The following ZNF622 variants were observed in gnomAD, a reference collection of about 807,000 sequenced individuals.
ZNF622 encodes zinc finger protein 622, also known as cytoplasmic 60S subunit biogenesis factor ZNF622.
Under a neutral mutation model 49.7 loss-of-function variants are expected in ZNF622, and 34 were observed. That is an observed-to-expected ratio of 0.68 (90% CI 0.52 to 0.91). The LOEUF (loss-of-function observed/expected upper bound fraction) is 0.91, where lower values mean the gene tolerates loss of function less well. Ranked by LOEUF, ZNF622 falls within the 40% of genes least tolerant of loss-of-function variation. ZNF622 has a pLI of 0.00. For missense variants in ZNF622, 569 were observed against 616.4 expected, an observed-to-expected ratio of 0.92 and a Z score of 0.81; for synonymous variants, 209 against 228.7, an observed-to-expected ratio of 0.91 and a Z score of 0.78.
chr5:16,465,218 C>A lies in ZNF622; in HGVS notation c.448G>T (p.Ala150Ser). The change falls in exon 1 of 6, where the codon GCG becomes TCG. Residue 150 changes from alanine (A) to serine (S), a missense_variant. Transcript: ENST00000308683. The surrounding 1 kb of genome is among the most constrained non-coding windows in gnomAD (Gnocchi z 6.2). ...PSMSPKKAPP[A>S]PAKEARNVVA... is the part of the protein sequence containing the mutation. ...ACATTCCTGGCCTCCTTTGCAGGCG[C>A]TGGGGGCGCCTTCTTGGGAGACATG... The A allele has an allele frequency of 6.2e-7, 1 of 1,614,152 alleles. No individual in the cohort carries two copies. Among genetic ancestry groups the A allele is most frequent in the Non-Finnish European group, 8.5e-7 (1 of 1,180,032 alleles).
intron 4 of ZNF622, among the ~76,000 whole-genome samples, chr5:16,453,500 T>C (rs987726648): frequency 2.1e-5 from 3 of 146,032 alleles, no homozygotes; most frequent in African/African-American, 7.5e-5. Flanking sequence ...CTAATACAGA[T>C]AATAGGGGCC....
chr5:16,465,598 T>G lies in ZNF622; in HGVS notation c.68A>C (p.Tyr23Ser). 5.6e-6 allele frequency: 9 copies of G among 1,610,142 alleles called. No individual in the cohort carries two copies. Among genetic ancestry groups the G allele is most frequent in the Non-Finnish European group, 7.6e-6 (9 of 1,177,580 alleles). Residue 23 changes from tyrosine to serine, a missense_variant, in exon 1 of 6, where the codon TAT (tyrosine) becomes TCT (serine). Physicochemically the swap from Tyr to Ser is moderately radical, Grantham distance 144 (BLOSUM62 -2). Coordinates refer to ENST00000308683, the MANE Select transcript of ZNF622 (RefSeq NM_033414.3). This position sits in a 1 kb window ranked among gnomAD's most constrained non-coding sequence, Gnocchi z 6.2. ...GTTGTAGCGGTGCCAGTCCGTCTTA[T>G]AGTGGGCCCGCTGCATGTCCGCGTC... ...FRDADMQRAH[Y>S]KTDWHRYNLR...
intron 3 of ZNF622, among the ~76,000 whole-genome samples, chr5:16,459,230 A>G (rs1156765776): frequency 1.3e-5 from 2 of 152,236 alleles, no homozygotes; most frequent in Non-Finnish European, 2.9e-5. Context: ...ATACACATGA[A>G]AAAATAATTG....
At chr5:16,453,559 T>TTATA (rs58965299) in intron 4 of ZNF622, among the ~76,000 whole-genome samples, 11,937 of 62,328 alleles carry the variant, frequency 0.19, 1,447 homozygotes, top group Non-Finnish European at 0.25. Flanking sequence ...TAAATAAAAA[T>TTATA]TATATATATA....
rs753028300 is a variant in ZNF622, at chr5:16,465,265, T to A, written c.401A>T (p.Gln134Leu). 63 of 1,614,128 alleles carry A rather than the reference T, an allele frequency of 3.9e-5. No homozygotes were observed. The highest frequency in any genetic ancestry group is 5.3e-5 in the Non-Finnish European group (62 of 1,180,032). The change falls in exon 1 of 6, where the codon CAG becomes CTG. Residue 134 changes from glutamine (Q) to leucine (L), a missense_variant. Transcript: ENST00000308683. This position sits in a 1 kb window ranked among gnomAD's most constrained non-coding sequence, Gnocchi z 6.2. The part of the protein sequence containing the change: ...DKDAMNAAIQ[Q>L]AIKAQPSMSP... ...CATGGACGGCTGGGCCTTGATGGCC[T>A]GCTGGATGGCCGCGTTCATGGCATC...
At chr5:16,451,810 T>C (rs771602758) in intron 5 of ZNF622, 26 bp from the exon 6 acceptor site, 8 of 1,603,626 alleles carry the variant, frequency 5.0e-6, no homozygotes, top group Admixed American at 1.7e-5. Flanking sequence ...AGTTAAGAAA[T>C]TAGGCAAAGT....
In ZNF622 at chr5:16,451,666, C is replaced by T. The variant is rs1386180187; in HGVS notation, c.1425G>A (p.Val475=). The change falls in exon 6 of 6, where the codon GTG becomes GTA. Residue 475 remains valine, a synonymous_variant. Coordinates refer to ENST00000308683, the MANE Select transcript of ZNF622 (RefSeq NM_033414.3). ...CAATCCCAGCAGACTCTCAGAATCT[C>T]ACTTGGACCCGAAAGTGCATCTGCT... ...ATKQMHFRVQ[V]RF is the part of the protein sequence containing the mutation. 6.2e-7 allele frequency: 1 copy of T among 1,613,548 alleles called. No homozygotes were observed. Among genetic ancestry groups the T allele is most frequent in the African/African-American group, 1.3e-5 (1 of 75,036 alleles).
At chr5:16,453,808 A>G (rs1043774607) in intron 4 of ZNF622, among the ~76,000 whole-genome samples, 1 of 151,956 alleles carries the variant, frequency 6.6e-6, no homozygotes, top group Non-Finnish European at 1.5e-5. Context: ...ACTGGCACCT[A>G]GTGGGTAGAG....
chr5:16,454,637 A>G (rs966290995), intron 4 of ZNF622, among the ~76,000 whole-genome samples: 2 of 152,170 alleles, frequency 1.3e-5, no homozygotes, highest in Non-Finnish European at 2.9e-5. Flanking sequence ...GGCACATCTG[A>G]TATATTAATC....
At position 16,463,018 on chromosome 5, in the gene ZNF622, A is replaced by G; in HGVS notation, c.1049+90T>C. On this transcript the variant is annotated intron_variant, in intron 3 of 5. Transcript: ENST00000308683. The surrounding 1 kb of genome is among the most constrained non-coding windows in gnomAD (Gnocchi z 4.2). The stretch of plus-strand genomic sequence containing the variant: ...AAGTGTTATTAAGGATATGTTGTAC[A>G]GTGCCAAACATATCCAGCACTGGCA... The G allele has an allele frequency of 1.5e-6, 2 of 1,358,776 alleles. No homozygotes were observed. The highest frequency in any genetic ancestry group is 1.5e-5 in the South Asian group (1 of 68,600). 84.2% of individuals were successfully genotyped at this position (1,358,776 alleles called of 1,614,324 possible).
rs753180824 is a variant in ZNF622, at chr5:16,463,579, C to T, written c.789G>A (p.Ser263=). Residue 263 remains serine (S), a synonymous_variant, in exon 2 of 6, where the codon TCG becomes TCA. Coordinates refer to ENST00000308683, the MANE Select transcript of ZNF622 (RefSeq NM_033414.3). The surrounding 1 kb of genome is among the most constrained non-coding windows in gnomAD (Gnocchi z 4.2). The part of the protein sequence containing the change: ...DCLFCSHHSS[S]LMKNVAHMTK... ...TCATGTGAGCCACATTCTTCATCAG[C>T]GAGCTGGAATGATGGGAACAAAATA... 7 of 1,614,120 alleles carry T rather than the reference C, an allele frequency of 4.3e-6. No homozygotes were observed. Among genetic ancestry groups the T allele is most frequent in the South Asian group, 2.2e-5 (2 of 91,072 alleles).
chr5:16,452,901 G>A (rs763160242), intron 5 of ZNF622, 112 bp downstream of exon 5: 191 of 1,183,882 alleles, frequency 1.6e-4, no homozygotes, highest in Admixed American at 2.0e-4. Flanking sequence ...AAGACGTTAC[G>A]TTTCCCCTAG....
At chr5:16,454,223 CA>C in intron 4 of ZNF622, among the ~76,000 whole-genome samples, 1 of 152,030 alleles carries the variant, frequency 6.6e-6, no homozygotes, top group Non-Finnish European at 1.5e-5. Flanking sequence ...TGCGGTGGCT[CA>C]CGCCTGTAAT....
intron 1 of ZNF622, 80 bp downstream of exon 1, chr5:16,464,961 A>G: frequency 6.6e-7 from 1 of 1,505,380 alleles, no homozygotes; most frequent in Non-Finnish European, 8.9e-7. Context: ...ACACACACAC[A>G]CCCATCTCGA....
chr5:16,463,249 T>A lies in ZNF622; in HGVS notation c.908A>T (p.Lys303Met). 1 of 1,598,126 alleles carries A rather than the reference T, an allele frequency of 6.3e-7. No homozygotes were observed. The highest frequency in any genetic ancestry group is 1.4e-5 in the African/African-American group (1 of 73,910). The change falls in exon 3 of 6, where the codon AAG becomes ATG. Residue 303 changes from lysine to methionine, a missense_variant. Physicochemically the swap from Lys to Met is moderately conservative, Grantham distance 95 (BLOSUM62 -1). Coordinates refer to ENST00000308683, the MANE Select transcript of ZNF622 (RefSeq NM_033414.3). The surrounding 1 kb of genome is among the most constrained non-coding windows in gnomAD (Gnocchi z 4.2). ...TTTCTCGTTGCACCACAAGCAAATC[T>A]TGCCAACACCAACTTTCTCTCCTAG... ...KYLGEKVGVG[K>M]ICLWCNEKGK...
At position 16,465,501 on chromosome 5, in the gene ZNF622, C is replaced by T; in HGVS notation, c.165G>A (p.Arg55=). The change falls in exon 1 of 6, where the codon CGG becomes CGA. Residue 55 remains arginine, a synonymous_variant. Coordinates refer to ENST00000308683, the MANE Select transcript of ZNF622 (RefSeq NM_033414.3). The surrounding 1 kb of genome is among the most constrained non-coding windows in gnomAD (Gnocchi z 6.2). ...EGFQERVRAQ[R]AVAEEESKGS... ...CCTTGCTCTCCTCCTCCGCGACGGC[C>T]CGCTGCGCCCGCACTCGCTCCTGGA... The T allele has an allele frequency of 6.2e-7, 1 of 1,614,186 alleles. No homozygotes were observed. The highest frequency in any genetic ancestry group is 8.5e-7 in the Non-Finnish European group (1 of 1,180,020).
At position 16,451,732 on chromosome 5, in the gene ZNF622, T is replaced by G. The variant is rs1402539497; in HGVS notation, c.1359A>C (p.Ser453=). 2 of 1,614,072 alleles carry G rather than the reference T, an allele frequency of 1.2e-6. No homozygotes were observed. The highest frequency in any genetic ancestry group is 1.7e-6 in the Non-Finnish European group (2 of 1,180,030). ...RDMQYVQRMK[S]KWMLKTGMKN... ...TCATTCCTGTCTTCAGCATCCATTT[T>G]GATTTCATCCTTTGGACATACTGCA... Residue 453 remains serine (S), a synonymous_variant, in exon 6 of 6, where the codon TCA becomes TCC. Coordinates refer to ENST00000308683, the MANE Select transcript of ZNF622 (RefSeq NM_033414.3).
Position 16,463,753 on chromosome 5 carries a change from G to A in ZNF622, c.626-11C>T. 1 of 1,607,592 alleles carries A rather than the reference G, an allele frequency of 6.2e-7. No individual in the cohort carries two copies. The highest frequency in any genetic ancestry group is 8.5e-7 in the Non-Finnish European group (1 of 1,176,318). ...CAATATCTTCCCAATCTGCAAGCCA[G>A]AATTTTGAAATATAAAGTTTAAGAA... On this transcript the variant is annotated splice_polypyrimidine_tract_variant and intron_variant, in intron 1 of 5. Transcript: ENST00000308683. This position sits in a 1 kb window ranked among gnomAD's most constrained non-coding sequence, Gnocchi z 4.2.
At chr5:16,464,353 T>C (rs1738177196) in intron 1 of ZNF622, among the ~76,000 whole-genome samples, 1 of 152,156 alleles carries the variant, frequency 6.6e-6, no homozygotes, top group Non-Finnish European at 1.5e-5. Flanking sequence ...GAAAACTTCA[T>C]CTATAGAACA....
Sources: allele counts gnomAD v4.1 joint callset (sites outside exome capture counted in the v4.1 genomes callset), GRCh38; gene constraint gnomAD v4.1.1; non-coding constraint Gnocchi (gnomAD v3.1); transcripts MANE v1.5; gene names NCBI Gene and HGNC (gene_info 2026-07-23, HGNC 2026-07-21).